Variants in FGG observed in about 807,000 individuals in gnomAD.
The protein encoded by FGG is fibrinogen, gamma polypeptide.
FGG carries 20 observed loss-of-function variants against 51.7 expected under a neutral mutation model. The ratio of observed to expected loss-of-function variants is 0.39; its 90% CI spans 0.27 to 0.56. The LOEUF (loss-of-function observed/expected upper bound fraction) is 0.56. Among genes scored for constraint, FGG ranks in the 20% least tolerant of loss-of-function variants. The pLI, the probability that FGG is intolerant of heterozygous loss-of-function variation, is 0.64. For synonymous variants in FGG, 184 were observed against 184.7 expected (o/e 1.00, Z 0.03); for missense variants, 460 against 534.2 (o/e 0.86, Z 1.37).
chr4:154,604,239 G>T lies in FGG; in HGVS notation c.*595C>A. On this transcript the variant is annotated 3_prime_UTR_variant, in exon 9 of 9. Transcript: ENST00000336098. ...ACATGGGGTCTTTTGCTCTTAAAAT[G>T]AAGTGAAGCTTTGCAAGTCCATTGT... The T allele has an allele frequency of 1.1e-6, 1 of 905,838 alleles. No homozygotes were observed. Among genetic ancestry groups the T allele is most frequent in the Non-Finnish European group, 1.6e-6 (1 of 619,502 alleles). 56.1% of individuals were successfully genotyped at this position (905,838 alleles called of 1,614,324 possible).
At chr4:154,609,564 A>C in intron 6 of FGG, 66 bp downstream of exon 6, 1 of 1,578,632 alleles carries the variant, frequency 6.3e-7, no homozygotes, top group Non-Finnish European at 8.7e-7. Flanking sequence ...TGCTTAGAAA[A>C]GTATCTGCCA....
intron 8 of FGG, 61 bp downstream of exon 8, chr4:154,606,644 A>AT (rs1731101654): frequency 4.0e-6 from 6 of 1,511,140 alleles, no homozygotes; most frequent in Non-Finnish European, 5.5e-6. Flanking sequence ...TCTATTTATT[A>AT]TTTTTTATGA....
At chr4:154,609,582 G>A in intron 6 of FGG, 48 bp downstream of exon 6, 1 of 1,609,946 alleles carries the variant, frequency 6.2e-7, no homozygotes, top group South Asian at 1.1e-5. Context: ...CCATATGGCA[G>A]AAACAATGTA....
At chr4:154,605,215 A>G (rs1237655503) in intron 8 of FGG, 149 bp from the exon 9 acceptor site, 12 of 754,078 alleles carry the variant, frequency 1.6e-5, no homozygotes, top group Non-Finnish European at 1.5e-5. Flanking sequence ...AAAGATTCCT[A>G]AAATATCAAT....
Position 154,612,197 on chromosome 4 carries a change from C to G in FGG, c.128G>C (p.Ser43Thr), listed in dbSNP as rs1432368867. 5 of 1,609,392 alleles carry G rather than the reference C, an allele frequency of 3.1e-6. No homozygotes were observed. The African/African-American group carries it at 4.0e-5, about 13-fold the overall frequency. The change falls in exon 3 of 9, where the codon AGT becomes ACT. Residue 43 changes from serine to threonine, a missense_variant. This residue lies in a region of FGG where 353 missense variants were observed against 391.7 expected (regional missense o/e 0.90). Coordinates refer to ENST00000336098, the MANE Select transcript of FGG (RefSeq NM_021870.3). ...AATGCCACAGGTAGTTGGACAATAA[C>G]TACCCTGAAAATATAACAGTGATTA... is the stretch of plus-strand genomic sequence containing the variant. ...NCCILDERFGSYCPTTCGIAD... is the reference protein window; with the variant it reads ...NCCILDERFGTYCPTTCGIAD...
intron 8 of FGG, 103 bp from the exon 9 acceptor site, chr4:154,605,169 A>C: frequency 2.6e-6 from 3 of 1,142,408 alleles, no homozygotes; most frequent in Non-Finnish European, 3.9e-6. Context: ...AGTTACATAA[A>C]ATTTATAGTA....
chr4:154,607,525 G>A (rs545228558), intron 7 of FGG, among the ~76,000 whole-genome samples: 1 of 152,150 alleles, frequency 6.6e-6, no homozygotes, highest in South Asian at 2.1e-4. Flanking sequence ...CACAATCAAA[G>A]TCTTCCCTGT....
chr4:154,604,881 G>A lies in FGG; in HGVS notation c.1315C>T (p.Pro439Ser), dbSNP rs1208299964. ...GGAKQVRPEH[P>S]AETEYDSLYP... ...AGTGAGTCATATTCTGTTTCCGCAG[G>A]GTGCTCTGGTCTGACCTGTTTGGCT... The change falls in exon 9 of 9, where the codon CCT becomes TCT. Residue 439 changes from proline to serine, a missense_variant. By Grantham distance (74) the Pro-to-Ser change is moderately conservative. This residue lies in a region of FGG where 92 missense variants were observed against 93.7 expected (regional missense o/e 0.98). Transcript: ENST00000336098. 6.2e-7 allele frequency: 1 copy of A among 1,614,020 alleles called. No homozygotes were observed. Among genetic ancestry groups the A allele is most frequent in the South Asian group, 1.1e-5 (1 of 91,074 alleles).
Position 154,612,558 on chromosome 4 carries a change from A to G in FGG, c.52T>C (p.Leu18=), listed in dbSNP as rs1339277800. 1 of 1,613,998 alleles carries G rather than the reference A, an allele frequency of 6.2e-7. No individual in the cohort carries two copies. The change falls in exon 1 of 9, where the codon TTA becomes CTA. Residue 18 remains leucine (L), a synonymous_variant. Coordinates refer to ENST00000336098, the MANE Select transcript of FGG (RefSeq NM_021870.3). ...RNLILYFYAL[L]FLSSTCVAYV... ...GCTACACATGTTGAAGAGAGAAATAAAAGAGCATAGAAGTAGAGAATTAAA... is the reference window on the plus strand; with the variant it reads ...GCTACACATGTTGAAGAGAGAAATAGAAGAGCATAGAAGTAGAGAATTAAA...
At chr4:154,610,785 C>T (rs1216028955) in intron 4 of FGG, among the ~76,000 whole-genome samples, 1 of 152,132 alleles carries the variant, frequency 6.6e-6, no homozygotes, top group Non-Finnish European at 1.5e-5. Flanking sequence ...ACAGATACTT[C>T]CCCTTTCTTC....
chr4:154,605,630 C>T (rs1268672516), intron 8 of FGG, among the ~76,000 whole-genome samples: 1 of 152,188 alleles, frequency 6.6e-6, no homozygotes, highest in Non-Finnish European at 1.5e-5. Context: ...TGAACTACAG[C>T]TCTGGCATGG....
intron 8 of FGG, among the ~76,000 whole-genome samples, chr4:154,605,562 C>CT (rs1433965451): frequency 6.6e-6 from 1 of 152,092 alleles, no homozygotes; most frequent in Non-Finnish European, 1.5e-5. Context: ...TCTCCTTGTC[C>CT]TAGGGAAGCA....
Position 154,604,933 on chromosome 4 carries a change from T to C in FGG, c.1263A>G (p.Gly421=). The part of the protein sequence containing the change: ...KIIPFNRLTI[G]EGQQHHLGGA... The stretch of plus-strand genomic sequence containing the variant: ...CCCCCAGGTGGTGTTGCTGTCCTTC[T>C]CCAATTGTGAGTCTGTTGAATGGGA... The change falls in exon 9 of 9, where the codon GGA becomes GGG. Residue 421 remains glycine, a synonymous_variant. Coordinates refer to ENST00000336098, the MANE Select transcript of FGG (RefSeq NM_021870.3). The C allele has an allele frequency of 1.9e-6, 3 of 1,614,140 alleles. No homozygotes were observed. The highest frequency in any genetic ancestry group is 2.5e-6 in the Non-Finnish European group (3 of 1,179,990).
At chr4:154,605,094 A>G (rs1195526730) in intron 8 of FGG, 28 bp from the exon 9 acceptor site, 1 of 1,613,340 alleles carries the variant, frequency 6.2e-7, no homozygotes, top group East Asian at 2.2e-5. Context: ...TGTACATATC[A>G]TTATTCTGGA....
At position 154,612,220 on chromosome 4, in the gene FGG, T is replaced by C; in HGVS notation, c.124-19A>G. ...AACTACCCTGAAAATATAACAGTGA[T>C]TAAAAATGTAGACAGATGCTACTCT... On this transcript the variant is annotated intron_variant, in intron 2 of 8. Coordinates refer to ENST00000336098, the MANE Select transcript of FGG (RefSeq NM_021870.3). 6.2e-7 allele frequency: 1 copy of C among 1,608,746 alleles called. No homozygotes were observed. The highest frequency in any genetic ancestry group is 1.1e-5 in the South Asian group (1 of 90,850).
chr4:154,610,908 C>G (rs924130880), intron 4 of FGG, among the ~76,000 whole-genome samples: 1 of 152,118 alleles, frequency 6.6e-6, no homozygotes. Context: ...AGAAAACTGT[C>G]TACAATGCAT....
chr4:154,608,344 G>A, intron 7 of FGG, 122 bp downstream of exon 7: 2 of 946,240 alleles, frequency 2.1e-6, no homozygotes, highest in Non-Finnish European at 3.3e-6. Context: ...TGGAGAAAAT[G>A]GTGGCTGGAT....
rs775366147 is a variant in FGG, at chr4:154,612,202, C to G, written c.124-1G>C. ...CACAGGTAGTTGGACAATAACTACC[C>G]TGAAAATATAACAGTGATTAAAAAT... On this transcript the variant is annotated splice_acceptor_variant, in intron 2 of 8. Coordinates refer to ENST00000336098, the MANE Select transcript of FGG (RefSeq NM_021870.3). LOFTEE classifies it high-confidence loss of function. 1.2e-6 allele frequency: 2 copies of G among 1,608,802 alleles called. No homozygotes were observed. The highest frequency in any genetic ancestry group is 1.7e-6 in the Non-Finnish European group (2 of 1,177,122).
chr4:154,611,183 G>T (rs1731204891), intron 4 of FGG: 1 of 151,970 alleles, frequency 6.6e-6, no homozygotes, highest in Admixed American at 6.6e-5. Context: ...AAAAAAATTG[G>T]GGAAAAATAT....
Sources: allele counts gnomAD v4.1 joint callset (sites outside exome capture counted in the v4.1 genomes callset), GRCh38; gene constraint gnomAD v4.1.1; regional missense constraint gnomAD v4.1.1; transcripts MANE v1.5; gene names NCBI Gene and HGNC (gene_info 2026-07-23, HGNC 2026-07-21).